Variants in NSDHL observed in about 807,000 individuals in gnomAD.
NSDHL encodes NAD(P) dependent 3-beta-hydroxysteroid dehydrogenase NSDHL, also known as sterol-4-alpha-carboxylate 3-dehydrogenase, decarboxylating.
Under a neutral mutation model 23.0 loss-of-function variants are expected in NSDHL, and 1 was observed. That is an observed-to-expected ratio of 0.04 (90% CI 0.02 to 0.21). The LOEUF is 0.21. Ranked by LOEUF, NSDHL falls within the 10% of genes least tolerant of loss-of-function variation. The pLI is 1.00. For synonymous variants in NSDHL, 128 were observed against 121.1 expected, an observed-to-expected ratio of 1.06 and a Z score of -0.37; for missense variants, 237 against 300.9, an observed-to-expected ratio of 0.79 and a Z score of 1.57.
intron 4 of NSDHL, among the ~76,000 whole-genome samples, chrX:152,859,763 A>G (rs1933498447): frequency 8.9e-6 from 1 of 112,519 alleles, no homozygotes; most frequent in Non-Finnish European, 1.9e-5. Flanking sequence ...TTGCTAGATC[A>G]TATACTAGTT....
chrX:152,865,306 C>T (rs1297784118), intron 5 of NSDHL, among the ~76,000 whole-genome samples: 1 of 112,119 alleles, frequency 8.9e-6, no homozygotes, highest in Non-Finnish European at 1.9e-5. Context: ...TTCACCTTCT[C>T]TGACCCTCTT....
chrX:152,862,410 A>T (rs1299581269), intron 4 of NSDHL, among the ~76,000 whole-genome samples, 186 bp from the exon 5 acceptor site: 5 of 112,634 alleles, frequency 4.4e-5, no homozygotes, highest in Non-Finnish European at 7.5e-5. Context: ...TAGCTGCAAA[A>T]GATGGTGATC....
rs35529894 is a variant in NSDHL, at chrX:152,846,349, A to G, written c.25A>G (p.Met9Val). The G allele has an allele frequency of 3.8e-3, 4,622 of 1,209,045 alleles. 17 individuals carry two copies. The highest frequency in any genetic ancestry group is 3.5e-3 in the Non-Finnish European group (3,126 of 893,748). The change falls in exon 2 of 8, where the codon ATG becomes GTG. Residue 9 changes from methionine (M) to valine (V), a missense_variant. Coordinates refer to ENST00000370274, the MANE Select transcript of NSDHL (RefSeq NM_015922.3). MEPAVSEPMRDQVARTHLT... is the reference protein window; with the variant it reads MEPAVSEPVRDQVARTHLT... The stretch of plus-strand genomic sequence containing the variant: ...AATGGAACCAGCAGTTAGCGAGCCA[A>G]TGAGAGACCAAGTCGCACGGACTCA...
Position 152,846,278 on chromosome X carries a change from TAAGAA to T in NSDHL, c.-38_-34del. 1.0e-6 allele frequency: 1 copy of T among 981,446 alleles called. No homozygotes were observed. The highest frequency in any genetic ancestry group is 1.5e-6 in the Non-Finnish European group (1 of 684,771). 80.9% of individuals were successfully genotyped at this position (981,446 alleles called of 1,213,427 possible). ...TAATGTCTGTCTCTAACTATGTCTTTAAGAAAAGAAAAGTTGATTACAAACGGGAC... is the reference window on the plus strand; with the variant it reads ...TAATGTCTGTCTCTAACTATGTCTTTAAGAAAAGTTGATTACAAACGGGAC... On this transcript the variant is annotated splice_acceptor_variant and splice_polypyrimidine_tract_variant and 5_prime_UTR_variant and intron_variant, in exon 2 of 8. Transcript: ENST00000370274. LOFTEE classifies it low-confidence loss of function (5UTR_SPLICE).
chrX:152,834,962 G>A (rs1238833329), intron 1 of NSDHL, among the ~76,000 whole-genome samples: 8 of 110,533 alleles, frequency 7.2e-5, no homozygotes, highest in African/African-American at 2.0e-4. Context: ...GTGGGGCTCC[G>A]ACAACCTTTC....
At chrX:152,852,529 C>CG (rs782297718) in intron 3 of NSDHL, among the ~76,000 whole-genome samples, 105 of 109,993 alleles carry the variant, frequency 9.5e-4, no homozygotes, top group African/African-American at 3.0e-3. Context: ...AACACCTACA[C>CG]TGTTTAATGG....
In NSDHL at chrX:152,858,803, G is replaced by A; in HGVS notation, c.301G>A (p.Val101Ile). 1 of 1,208,925 alleles carries A rather than the reference G, an allele frequency of 8.3e-7. No homozygotes were observed. Among genetic ancestry groups the A allele is most frequent in the Non-Finnish European group, 1.1e-6 (1 of 892,948 alleles). Residue 101 changes from valine to isoleucine, a missense_variant, in exon 4 of 8, where the codon GTT becomes ATT. Around this residue, in one of 3 missense-constraint regions of NSDHL, gnomAD observed 81 missense variants for 103.3 expected, o/e 0.78. Transcript: ENST00000370274. ...LYPALKGVNT[V>I]FHCASPPPSS... is the part of the protein sequence containing the mutation. ...CCCAGCTCTGAAAGGTGTAAACACAGTTTTCCACTGTGCGTCACCCCCACC... is the reference window on the plus strand; with the variant it reads ...CCCAGCTCTGAAAGGTGTAAACACAATTTTCCACTGTGCGTCACCCCCACC...
At chrX:152,845,114 G>A (rs781846972) in intron 1 of NSDHL, among the ~76,000 whole-genome samples, 1 of 111,945 alleles carries the variant, frequency 8.9e-6, no homozygotes, top group South Asian at 3.7e-4. Context: ...TCAGAAAAAT[G>A]TTCCCCCAAA....
At chrX:152,850,937 C>T (rs1036128864) in intron 3 of NSDHL, among the ~76,000 whole-genome samples, 4 of 112,068 alleles carry the variant, frequency 3.6e-5, no homozygotes, top group Middle Eastern at 4.6e-3. Context: ...CCTCTCTTCC[C>T]CTCCCAGCCC....
At chrX:152,845,573 C>T (rs1438983577) in intron 1 of NSDHL, among the ~76,000 whole-genome samples, 4 of 111,619 alleles carry the variant, frequency 3.6e-5, no homozygotes, top group Admixed American at 1.9e-4. Context: ...TGTTTGGCAA[C>T]GTTGTCGGAT....
chrX:152,836,072 G>A (rs781924800), intron 1 of NSDHL, among the ~76,000 whole-genome samples: 66 of 112,274 alleles, frequency 5.9e-4, no homozygotes, highest in African/African-American at 2.0e-3. Context: ...GCATTTTTTC[G>A]TGTGTCTGTT....
intron 2 of NSDHL, among the ~76,000 whole-genome samples, chrX:152,849,069 C>T (rs1357784318): frequency 6.3e-5 from 7 of 111,786 alleles, no homozygotes; most frequent in African/African-American, 2.3e-4. Context: ...AGTGCCAGCT[C>T]CAGCTGGGCC....
intron 3 of NSDHL, among the ~76,000 whole-genome samples, chrX:152,857,884 G>A (rs369308382): frequency 7.5e-4 from 84 of 111,663 alleles, no homozygotes; most frequent in African/African-American, 2.7e-3. Flanking sequence ...TGTAGAGAGA[G>A]GAAATTGTGG....
intron 7 of NSDHL, 26 bp downstream of exon 7, chrX:152,867,699 C>CAGGG: frequency 2.9e-6 from 3 of 1,033,243 alleles, no homozygotes; most frequent in Non-Finnish European, 4.1e-6. Context: ...CCGGTCCCTG[C>CAGGG]ACAGGTGCCT....
intron 3 of NSDHL, among the ~76,000 whole-genome samples, chrX:152,852,704 A>C (rs1288884518): frequency 9.0e-6 from 1 of 110,715 alleles, no homozygotes. Flanking sequence ...ACCTGCCCAC[A>C]TCCACGTCTC....
At chrX:152,845,184 T>C (rs782607703) in intron 1 of NSDHL, among the ~76,000 whole-genome samples, 1 of 112,078 alleles carries the variant, frequency 8.9e-6, no homozygotes, top group Non-Finnish European at 1.9e-5. Context: ...GCTTTCTACA[T>C]GCCCGTAAAG....
At chrX:152,848,812 G>A (rs1245730569) in intron 2 of NSDHL, among the ~76,000 whole-genome samples, 1 of 112,168 alleles carries the variant, frequency 8.9e-6, no homozygotes, top group Non-Finnish European at 1.9e-5. Flanking sequence ...CTTGGGAGGA[G>A]GGGAGAAGAA....
At chrX:152,836,190 T>C (rs111372799) in intron 1 of NSDHL, among the ~76,000 whole-genome samples, 5 of 112,448 alleles carry the variant, frequency 4.4e-5, no homozygotes, top group Non-Finnish European at 7.5e-5. Context: ...TCTTTGTAGA[T>C]TCTGGATATT....
At chrX:152,856,225 G>C (rs1933442973) in intron 3 of NSDHL, among the ~76,000 whole-genome samples, 1 of 112,029 alleles carries the variant, frequency 8.9e-6, no homozygotes, top group South Asian at 3.7e-4. Flanking sequence ...CAACTATTGG[G>C]CACTTAAAAT....
Sources: allele counts gnomAD v4.1 joint callset (sites outside exome capture counted in the v4.1 genomes callset), GRCh38; gene constraint gnomAD v4.1.1; regional missense constraint gnomAD v4.1.1; transcripts MANE v1.5; gene names NCBI Gene and HGNC (gene_info 2026-07-23, HGNC 2026-07-21).